Variants in BNC2 observed in about 807,000 individuals in gnomAD.
BNC2 encodes basonuclin zinc finger protein 2, also known as zinc finger protein basonuclin-2.
Under a neutral mutation model 76.3 loss-of-function variants are expected in BNC2, and 20 were observed. That is an observed-to-expected ratio of 0.26 (90% CI 0.18 to 0.38). The LOEUF (loss-of-function observed/expected upper bound fraction) is 0.38, where lower values mean the gene tolerates loss of function less well. BNC2 is among the 10% of genes least tolerant of loss of function. The pLI, the probability that BNC2 is intolerant of heterozygous loss-of-function variation, is 1.00. For missense variants in BNC2, 1,382 were observed against 1,399.8 expected (o/e 0.99, Z 0.20); for synonymous variants, 582 against 514.8 (o/e 1.13, Z -1.77).
chr9:16,549,780 T>C (rs1818602860), intron 5 of BNC2, among the ~76,000 whole-genome samples: 2 of 152,170 alleles, frequency 1.3e-5, no homozygotes, highest in Admixed American at 1.3e-4. Context: ...AACCGAGAAC[T>C]GTTTTAACAA....
intron 1 of BNC2, among the ~76,000 whole-genome samples, chr9:16,770,221 T>C (rs112296844): frequency 4.6e-5 from 7 of 152,100 alleles, no homozygotes; most frequent in Admixed American, 2.0e-4. Flanking sequence ...GAGTTGACAG[T>C]GGATGCTCAT....
intron 4 of BNC2, among the ~76,000 whole-genome samples, chr9:16,578,051 GT>G (rs1361898688): frequency 6.6e-6 from 1 of 150,584 alleles, no homozygotes. Flanking sequence ...ATTTTTTTTT[GT>G]TTTTTTCCAA....
intron 5 of BNC2, among the ~76,000 whole-genome samples, chr9:16,472,884 A>T (rs561657647): frequency 6.6e-6 from 1 of 152,352 alleles, no homozygotes; most frequent in East Asian, 1.9e-4. Context: ...AAGTCAGTGG[A>T]CATTTGAAAA....
intron 5 of BNC2, among the ~76,000 whole-genome samples, chr9:16,449,264 G>T (rs769363451): frequency 3.3e-5 from 5 of 152,116 alleles, no homozygotes; most frequent in Admixed American, 1.3e-4. Context: ...AGCTGCAAAC[G>T]TGCCATTAGA....
At chr9:16,809,076 C>T (rs768585791) in intron 1 of BNC2, among the ~76,000 whole-genome samples, 1 of 152,148 alleles carries the variant, frequency 6.6e-6, no homozygotes. Context: ...TTCTTAGATA[C>T]CAGAATTGTT....
At chr9:16,686,072 C>T (rs1054099134) in intron 3 of BNC2, among the ~76,000 whole-genome samples, 1 of 152,112 alleles carries the variant, frequency 6.6e-6, no homozygotes, top group African/African-American at 2.4e-5. Context: ...TTCAACAATG[C>T]CTAAGTTCCT....
chr9:16,571,114 TG>T (rs1419586768), intron 4 of BNC2, among the ~76,000 whole-genome samples: 1 of 152,212 alleles, frequency 6.6e-6, no homozygotes, highest in Non-Finnish European at 1.5e-5. Context: ...AGAAAACACT[TG>T]CCAAATTCAT....
At chr9:16,807,032 G>C (rs1033726659) in intron 1 of BNC2, among the ~76,000 whole-genome samples, 1 of 152,038 alleles carries the variant, frequency 6.6e-6, no homozygotes, top group Non-Finnish European at 1.5e-5. Flanking sequence ...TAGACCCAAT[G>C]TAATGTTAAG....
At chr9:16,435,073 G>A (rs1254219984) in intron 6 of BNC2, 5 of 471,220 alleles carry the variant, frequency 1.1e-5, no homozygotes, top group Non-Finnish European at 1.8e-5. Flanking sequence ...TGGACCTATG[G>A]TTCTTTCCAT....
At position 16,646,878 on chromosome 9, in the gene BNC2, A is replaced by G. The variant is rs532909827; in HGVS notation, c.331-63793T>C. ...GGGAATCCATAGAGGGTCTACTGGGATGTCATCCATAGCTGAGTCCCCCGC... is the reference window on the plus strand; with the variant it reads ...GGGAATCCATAGAGGGTCTACTGGGGTGTCATCCATAGCTGAGTCCCCCGC... On this transcript the variant is annotated intron_variant, in intron 3 of 6. Transcript: ENST00000380672. Among the ~76,000 whole-genome samples, 3 of 152,264 alleles carry G rather than the reference A, an allele frequency of 2.0e-5. 1 individual carries two copies. In the South Asian group the frequency reaches 6.2e-4, roughly 32 times the overall value.
At chr9:16,820,191 C>T (rs1466719150) in intron 1 of BNC2, among the ~76,000 whole-genome samples, 1 of 150,194 alleles carries the variant, frequency 6.7e-6, no homozygotes, top group African/African-American at 2.5e-5. Flanking sequence ...TTTGGGAGGC[C>T]GAGGCAGGTG....
At chr9:16,515,500 T>A (rs1312840311) in intron 5 of BNC2, among the ~76,000 whole-genome samples, 1 of 151,860 alleles carries the variant, frequency 6.6e-6, no homozygotes, top group African/African-American at 2.4e-5. Context: ...TCCCACCAAC[T>A]CCCCTCTGGC....
At chr9:16,474,414 G>C (rs536370262) in intron 5 of BNC2, among the ~76,000 whole-genome samples, 11 of 152,250 alleles carry the variant, frequency 7.2e-5, no homozygotes, top group East Asian at 3.9e-4. Flanking sequence ...AGAAGGCTGA[G>C]GCAATGGTAT....
chr9:16,635,377 T>C (rs1821293064), intron 3 of BNC2, among the ~76,000 whole-genome samples: 1 of 152,198 alleles, frequency 6.6e-6, no homozygotes, highest in South Asian at 2.1e-4. Flanking sequence ...ATTTTATGTA[T>C]TTTTTTCTTG....
intron 1 of BNC2, among the ~76,000 whole-genome samples, chr9:16,855,844 G>A (rs183601581): frequency 2.5e-4 from 38 of 152,012 alleles, no homozygotes; most frequent in Admixed American, 7.9e-4. Context: ...CACCACACCC[G>A]GCCACATCTT....
At chr9:16,674,691 C>A (rs1173545284) in intron 3 of BNC2, among the ~76,000 whole-genome samples, 1 of 152,140 alleles carries the variant, frequency 6.6e-6, no homozygotes, top group African/African-American at 2.4e-5. Flanking sequence ...AGGGCAACGA[C>A]CCTATCTATT....
chr9:16,501,590 C>T (rs953008884), intron 5 of BNC2, among the ~76,000 whole-genome samples: 1 of 152,132 alleles, frequency 6.6e-6, no homozygotes, highest in Non-Finnish European at 1.5e-5. Flanking sequence ...GCTTTTAGAA[C>T]TAAACTCCAG....
chr9:16,749,916 T>G (rs1056643726), intron 1 of BNC2, among the ~76,000 whole-genome samples: 6 of 152,104 alleles, frequency 3.9e-5, no homozygotes, highest in Non-Finnish European at 4.4e-5. Flanking sequence ...ACAGAAGTAT[T>G]AAATTAGGGG....
At chr9:16,546,933 A>G (rs1818502334) in intron 5 of BNC2, among the ~76,000 whole-genome samples, 1 of 152,288 alleles carries the variant, frequency 6.6e-6, no homozygotes, top group South Asian at 2.1e-4. Context: ...TATTTAATAC[A>G]CCCTTTTATG....
Sources: gnomAD v4.1 joint callset for allele counts (sites outside exome capture counted in the v4.1 genomes callset) on GRCh38, gnomAD v4.1.1 for gene constraint, MANE v1.5 for transcripts, NCBI Gene and HGNC (gene_info 2026-07-23, HGNC 2026-07-21) for gene names.